The following AGBL1 variants were observed in gnomAD, a reference collection of about 807,000 sequenced individuals.
The protein encoded by AGBL1 is AGBL carboxypeptidase 1, also known as cytosolic carboxypeptidase 4.
In AGBL1, 130 loss-of-function variants were observed where a neutral mutation model predicts 118.9. The observed-to-expected ratio is 1.09, with a 90% CI of 0.95 to 1.26. The LOEUF is 1.26. AGBL1 is among the 50% of genes most tolerant of loss of function. The pLI is 0.00. For missense variants in AGBL1, 1,584 were observed against 1,298.1 expected (o/e 1.22, Z -3.38); for synonymous variants, 555 against 478.9 (o/e 1.16, Z -2.08).
At chr15:86,960,209 T>A (rs1296427670) in intron 23 of AGBL1, among the ~76,000 whole-genome samples, 1 of 152,112 alleles carries the variant, frequency 6.6e-6, no homozygotes, top group Non-Finnish European at 1.5e-5. Context: ...GGATTGGAGT[T>A]GATAGTTGAT....
intron 17 of AGBL1, among the ~76,000 whole-genome samples, chr15:86,385,231 T>C (rs2081166078): frequency 6.6e-6 from 1 of 152,264 alleles, no homozygotes; most frequent in African/African-American, 2.4e-5. Context: ...TACTATCTAT[T>C]GGGTTAAAAT....
At chr15:86,713,784 G>C (rs2086597026) in intron 22 of AGBL1, among the ~76,000 whole-genome samples, 1 of 151,406 alleles carries the variant, frequency 6.6e-6, no homozygotes, top group Non-Finnish European at 1.5e-5. Flanking sequence ...GCTAGAGAGT[G>C]TATTTTTTTT....
intron 22 of AGBL1, among the ~76,000 whole-genome samples, chr15:86,822,315 A>G (rs913237350): frequency 6.6e-6 from 1 of 151,690 alleles, no homozygotes; most frequent in African/African-American, 2.4e-5. Flanking sequence ...AGTTTCATTA[A>G]CCCCTTCTCA....
At chr15:86,330,042 G>T (rs1465650564) in intron 17 of AGBL1, among the ~76,000 whole-genome samples, 1 of 152,198 alleles carries the variant, frequency 6.6e-6, no homozygotes, top group East Asian at 1.9e-4. Context: ...CTGCTCGTTG[G>T]ATTCTCCCTC....
chr15:86,578,397 G>T (rs1167614632), intron 21 of AGBL1, among the ~76,000 whole-genome samples: 2 of 152,154 alleles, frequency 1.3e-5, no homozygotes, highest in East Asian at 3.9e-4. Context: ...ACTTGCTTTT[G>T]ATTTTACTGG....
Position 86,802,542 on chromosome 15 carries a change from T to C in AGBL1, c.3159-104545T>C, listed in dbSNP as rs1345748838. 2.0e-5 allele frequency among the ~76,000 whole-genome samples: 3 copies of C among 152,150 alleles called. No homozygotes were observed. The East Asian group carries it at 5.8e-4, about 29-fold the overall frequency. On this transcript the variant is annotated intron_variant, in intron 22 of 22. Coordinates refer to ENST00000614907, the MANE Select transcript of AGBL1 (RefSeq NM_001386094.1). Reference sequence around the variant, plus strand: ...ATAATTCTACCCTCTTTATTTTTAGTCTAGCATATACTTAATATGTAATGT... The same window carrying C: ...ATAATTCTACCCTCTTTATTTTTAGCCTAGCATATACTTAATATGTAATGT...
intron 1 of AGBL1, among the ~76,000 whole-genome samples, chr15:86,130,063 C>T (rs965082348): frequency 1.3e-5 from 2 of 152,036 alleles, no homozygotes; most frequent in Non-Finnish European, 2.9e-5. Context: ...GGTCAGCAGT[C>T]GTGTGGGTAG....
intron 22 of AGBL1, among the ~76,000 whole-genome samples, chr15:86,722,670 A>G (rs1300710299): frequency 3.9e-5 from 6 of 152,326 alleles, no homozygotes; most frequent in Admixed American, 2.0e-4. Flanking sequence ...ATCTAATTAA[A>G]CTAAAGAGCT....
intron 22 of AGBL1, among the ~76,000 whole-genome samples, chr15:86,892,408 G>T (rs8036797): frequency 0.13 from 20,052 of 152,140 alleles, 1,580 homozygotes; most frequent in Non-Finnish European, 0.18. Context: ...CCTCATTCCA[G>T]TTCTTCCTCA....
intron 20 of AGBL1, among the ~76,000 whole-genome samples, chr15:86,547,522 T>A (rs1020159604): frequency 6.6e-6 from 1 of 152,190 alleles, no homozygotes; most frequent in African/African-American, 2.4e-5. Context: ...TCTTATCAAC[T>A]GTATTTTAAT....
At chr15:86,434,960 C>A (rs2081983393) in intron 18 of AGBL1, among the ~76,000 whole-genome samples, 1 of 152,182 alleles carries the variant, frequency 6.6e-6, no homozygotes, top group South Asian at 2.1e-4. Context: ...ATTACTAAAG[C>A]TTACAAATTA....
chr15:87,017,588 A>C (rs921492425), intron 24 of AGBL1, among the ~76,000 whole-genome samples: 6 of 152,190 alleles, frequency 3.9e-5, no homozygotes, highest in Admixed American at 3.9e-4. Context: ...ACAGACAAAC[A>C]GAAAACAACA....
At chr15:86,552,933 A>G (rs2083683733) in intron 20 of AGBL1, among the ~76,000 whole-genome samples, 1 of 151,842 alleles carries the variant, frequency 6.6e-6, no homozygotes, top group Admixed American at 6.6e-5. Flanking sequence ...ATATTTATAT[A>G]ATATGTAATT....
chr15:86,196,996 C>A (rs972463630), intron 5 of AGBL1, among the ~76,000 whole-genome samples: 1 of 151,592 alleles, frequency 6.6e-6, no homozygotes, highest in Admixed American at 6.6e-5. Flanking sequence ...TCACCAGAAA[C>A]CAACCCTGCC....
intron 18 of AGBL1, among the ~76,000 whole-genome samples, chr15:86,518,869 T>C (rs894266113): frequency 4.0e-5 from 6 of 151,514 alleles, no homozygotes; most frequent in African/African-American, 1.5e-4. Flanking sequence ...GATGCAAGCA[T>C]TTCAAAGCTA....
chr15:86,822,372 A>G (rs75445106), intron 22 of AGBL1, among the ~76,000 whole-genome samples: 10,240 of 152,172 alleles, frequency 0.067, 530 homozygotes, highest in East Asian at 0.22. Context: ...TTAGTATAGC[A>G]CCAGCATTTG....
chr15:86,591,199 G>GA (rs1023808994), intron 21 of AGBL1, among the ~76,000 whole-genome samples: 3 of 152,188 alleles, frequency 2.0e-5, no homozygotes, highest in Admixed American at 6.5e-5. Context: ...CCTCTGAGGA[G>GA]AAAAAATACA....
chr15:86,612,427 A>C (rs909196930), intron 21 of AGBL1, among the ~76,000 whole-genome samples: 36 of 74,582 alleles, frequency 4.8e-4, no homozygotes, highest in African/African-American at 1.9e-3. Flanking sequence ...AGTTCAGGCC[A>C]TGATGGGGTC....
intron 22 of AGBL1, among the ~76,000 whole-genome samples, chr15:86,676,940 T>C (rs1490291162): frequency 6.6e-6 from 1 of 151,946 alleles, no homozygotes; most frequent in Non-Finnish European, 1.5e-5. Flanking sequence ...GTCTTGAACC[T>C]GGGAGGCGGA....
Sources: allele counts gnomAD v4.1 joint callset (sites outside exome capture counted in the v4.1 genomes callset), GRCh38; gene constraint gnomAD v4.1.1; transcripts MANE v1.5; gene names NCBI Gene and HGNC (gene_info 2026-07-23, HGNC 2026-07-21).